Variants in ADGRD1 observed in about 807,000 individuals in gnomAD.
ADGRD1 encodes the protein G-protein coupled receptor 133.
In ADGRD1, 77 loss-of-function variants were observed where a neutral mutation model predicts 113.4. That is an observed-to-expected ratio of 0.68 (90% confidence interval 0.57 to 0.82). The LOEUF (loss-of-function observed/expected upper bound fraction) is 0.82. Ranked by LOEUF, ADGRD1 falls within the 40% of genes least tolerant of loss-of-function variation. The probability of loss-of-function intolerance (pLI) is 0.00; values close to 1 mark genes in which losing one functional copy is unlikely to be tolerated. For missense variants in ADGRD1, 1,036 were observed against 1,139.1 expected, an observed-to-expected ratio of 0.91 and a Z score of 1.30; for synonymous variants, 474 against 475.0, an observed-to-expected ratio of 1.00 and a Z score of 0.03.
rs760399855 is a variant in ADGRD1, at chr12:131,136,168, G to T, written c.2394+5G>T. 2 of 1,613,802 alleles carry T rather than the reference G, an allele frequency of 1.2e-6. No individual in the cohort carries two copies. Among genetic ancestry groups the T allele is most frequent in the Admixed American group, 3.3e-5 (2 of 59,992 alleles). ...GCCACGCTCAACTCCCTGCAGGTGA[G>T]AGCCGCGGGGACTGGCGGGGAGGCA... On this transcript the variant is annotated splice_donor_5th_base_variant and intron_variant, in intron 22 of 24. Coordinates refer to ENST00000261654, the MANE Select transcript of ADGRD1 (RefSeq NM_198827.5).
intron 14 of ADGRD1, among the ~76,000 whole-genome samples, chr12:131,080,555 A>G (rs1298129523): frequency 6.6e-6 from 1 of 152,230 alleles, no homozygotes; most frequent in Non-Finnish European, 1.5e-5. Context: ...TGTCAATTAA[A>G]GAGAGAGGAG....
intron 11 of ADGRD1, among the ~76,000 whole-genome samples, chr12:131,004,617 C>T (rs1048378260): frequency 2.6e-5 from 4 of 152,144 alleles, no homozygotes; most frequent in African/African-American, 7.2e-5. Context: ...CTGGGGAATC[C>T]GGCCCACTGG....
At chr12:131,130,750 C>G (rs759913707) in intron 20 of ADGRD1, among the ~76,000 whole-genome samples, 7 of 149,764 alleles carry the variant, frequency 4.7e-5, no homozygotes, top group African/African-American at 1.5e-4. Flanking sequence ...CGGCCCATCC[C>G]GTGCGGGGGG....
chr12:131,119,440 C>T (rs1593246822), intron 19 of ADGRD1, among the ~76,000 whole-genome samples: 1 of 152,214 alleles, frequency 6.6e-6, no homozygotes, highest in East Asian at 1.9e-4. Flanking sequence ...AGAATGTTCT[C>T]CTCAAACACA....
chr12:131,032,189 C>G (rs1218315502), intron 13 of ADGRD1, among the ~76,000 whole-genome samples: 3 of 152,144 alleles, frequency 2.0e-5, no homozygotes, highest in Non-Finnish European at 4.4e-5. Context: ...CTGAAGCCCT[C>G]TCCTAGGCTA....
At chr12:130,988,974 G>A (rs999110445) in intron 6 of ADGRD1, 1 of 152,466 alleles carries the variant, frequency 6.6e-6, no homozygotes, top group African/African-American at 2.4e-5. Context: ...GTGGAGGAGA[G>A]GGGACTCCCA....
rs150018176 is a variant in ADGRD1 at position 131,086,720 on chromosome 12, G to A, written c.1671+2057G>A. Among the ~76,000 whole-genome samples, 145 of 152,350 alleles carry A rather than the reference G, an allele frequency of 9.5e-4. 1 individual carries two copies. In the East Asian group the frequency reaches 0.024, roughly 25 times the overall value. On this transcript the variant is annotated intron_variant, in intron 15 of 24. Coordinates refer to ENST00000261654, the MANE Select transcript of ADGRD1 (RefSeq NM_198827.5). ...CAGTGTGATCCCGGCCTCACTGGCC[G>A]ACGGGCAGCTGCTCACGTGAGCGCG... is the stretch of plus-strand genomic sequence containing the variant.
chr12:130,971,416 G>A lies in ADGRD1; in HGVS notation c.188-42G>A, dbSNP rs551618290. 160 of 1,575,094 alleles carry A rather than the reference G, an allele frequency of 1.0e-4. No individual in the cohort carries two copies. Among genetic ancestry groups the A allele is most frequent in the South Asian group, 8.4e-4 (73 of 87,094 alleles). ...CACACATCTTCAGACTTTTAATCTC[G>A]GAAGGTTATTAACATATGATGTTGT... On this transcript the variant is annotated intron_variant, in intron 3 of 24. Transcript: ENST00000261654. The surrounding 1 kb of genome is among the most constrained non-coding windows in gnomAD (Gnocchi z 4.2).
intron 13 of ADGRD1, among the ~76,000 whole-genome samples, chr12:131,040,756 C>T (rs145937216): frequency 3.9e-5 from 6 of 152,370 alleles, no homozygotes; most frequent in Admixed American, 1.3e-4. Flanking sequence ...GCTGCCAGAT[C>T]GCATGCGACA....
intron 18 of ADGRD1, among the ~76,000 whole-genome samples, chr12:131,110,684 T>C (rs1295812744): frequency 1.3e-5 from 2 of 152,210 alleles, no homozygotes; most frequent in Non-Finnish European, 2.9e-5. Flanking sequence ...TCCTGTGAAT[T>C]TGAGTTTCCA....
chr12:131,114,001 A>G (rs1199426334), intron 18 of ADGRD1, among the ~76,000 whole-genome samples: 1 of 152,200 alleles, frequency 6.6e-6, no homozygotes, highest in African/African-American at 2.4e-5. Flanking sequence ...ACGCACACAC[A>G]CGCACACACA....
chr12:131,106,267 T>C (rs990874775), intron 17 of ADGRD1, among the ~76,000 whole-genome samples: 1 of 152,240 alleles, frequency 6.6e-6, no homozygotes, highest in Admixed American at 6.5e-5. Context: ...AGACTCTTAT[T>C]GGCTGCAGGC....
chr12:131,050,879 TCAAACG>T lies in ADGRD1; in HGVS notation c.1474-25920_1474-25915del, dbSNP rs893237001. ...CGGTCGGTTTGCATTCCTATGAGAA[TCAAACG>T]CCCGGCTGATCTGATAGGAGGGGAG... On this transcript the variant is annotated intron_variant, in intron 13 of 24. Coordinates refer to ENST00000261654, the MANE Select transcript of ADGRD1 (RefSeq NM_198827.5). This position sits in a 1 kb window ranked among gnomAD's most constrained non-coding sequence, Gnocchi z 4.8. 1.3e-5 allele frequency among the ~76,000 whole-genome samples: 2 copies of T among 152,006 alleles called. No individual in the cohort carries two copies. Among genetic ancestry groups the T allele is most frequent in the African/African-American group, 4.8e-5 (2 of 41,396 alleles).
chr12:131,007,744 A>T (rs533920269), intron 12 of ADGRD1, among the ~76,000 whole-genome samples: 1 of 152,250 alleles, frequency 6.6e-6, no homozygotes, highest in Non-Finnish European at 1.5e-5. Context: ...TGAGCAGCAC[A>T]TTTACGTGCT....
intron 13 of ADGRD1, among the ~76,000 whole-genome samples, chr12:131,051,114 G>A (rs1034535203): frequency 3.3e-5 from 5 of 152,230 alleles, no homozygotes; most frequent in African/African-American, 9.6e-5. Flanking sequence ...ATGAGATTTG[G>A]TGGGGACACA....
intron 2 of ADGRD1, among the ~76,000 whole-genome samples, chr12:130,955,146 G>A (rs543767592): frequency 8.8e-5 from 2 of 22,730 alleles, no homozygotes; most frequent in East Asian, 1.9e-3. Context: ...TGTATTTTTA[G>A]TAGAGACAGG....
chr12:130,967,973 C>T (rs531102204), intron 3 of ADGRD1: 1 of 152,314 alleles, frequency 6.6e-6, no homozygotes, highest in South Asian at 2.1e-4. Flanking sequence ...ATCCAGTTTT[C>T]TTTTTTCAAG....
intron 20 of ADGRD1, among the ~76,000 whole-genome samples, chr12:131,128,299 G>A (rs912482733): frequency 6.6e-6 from 1 of 151,808 alleles, no homozygotes; most frequent in African/African-American, 2.4e-5. Flanking sequence ...CTCAGGTGGG[G>A]TGTTGGTTGA....
At chr12:131,007,749 C>T (rs965792708) in intron 12 of ADGRD1, among the ~76,000 whole-genome samples, 7 of 152,252 alleles carry the variant, frequency 4.6e-5, no homozygotes, top group Non-Finnish European at 1.0e-4. Context: ...AGCACATTTA[C>T]GTGCTGAAGC....
Sources: gnomAD v4.1 joint callset for allele counts (sites outside exome capture counted in the v4.1 genomes callset) on GRCh38, gnomAD v4.1.1 for gene constraint, Gnocchi (gnomAD v3.1) non-coding constraint, MANE v1.5 for transcripts, NCBI Gene and HGNC (gene_info 2026-07-23, HGNC 2026-07-21) for gene names.